Variants in CTNNA2 observed in about 807,000 individuals in gnomAD.
The protein encoded by CTNNA2 is catenin alpha 2.
A neutral mutation model predicts 101.0 loss-of-function variants in CTNNA2; 42 were observed. The ratio of observed to expected loss-of-function variants is 0.42; its 90% CI spans 0.32 to 0.54. CTNNA2 has a LOEUF of 0.54. Among genes scored for constraint, CTNNA2 ranks in the 20% least tolerant of loss-of-function variants. The probability of loss-of-function intolerance (pLI) is 0.14; values close to 1 mark genes in which losing one functional copy is unlikely to be tolerated. For synonymous variants in CTNNA2, 450 were observed against 456.4 expected (o/e 0.99, Z 0.18); for missense variants, 871 against 1,223.1 (o/e 0.71, Z 4.29).
chr2:80,016,335 G>A (rs377062168), intron 7 of CTNNA2, among the ~76,000 whole-genome samples: 4 of 152,110 alleles, frequency 2.6e-5, no homozygotes, highest in African/African-American at 4.8e-5. Context: ...AGTGCTGAGC[G>A]CTGGGTCAAT....
In CTNNA2 at chr2:80,648,763, A is replaced by AAAAAAG. The variant is rs1674388237; in HGVS notation, c.*893_*894insAAAGAA. 6.6e-6 allele frequency: 1 copy of AAAAAAG among 152,066 alleles called. No homozygotes were observed. Among genetic ancestry groups the AAAAAAG allele is most frequent in the Non-Finnish European group, 1.5e-5 (1 of 67,992 alleles). 9.4% of individuals were successfully genotyped at this position (152,066 alleles called of 1,614,324 possible). ...TTGTATTCACTAACTAACTCAAAAT[A>AAAAAAG]AACACATTTAATCTTGACATCTCAA... On this transcript the variant is annotated 3_prime_UTR_variant, in exon 19 of 19. Coordinates refer to ENST00000402739, the MANE Select transcript of CTNNA2 (RefSeq NM_001282597.3).
chr2:79,789,470 G>A (rs532205945), intron 3 of CTNNA2, among the ~76,000 whole-genome samples: 137 of 152,166 alleles, frequency 9.0e-4, no homozygotes, highest in Non-Finnish European at 1.5e-3. Flanking sequence ...CTTATGGGAA[G>A]ACAAATGACT....
At chr2:80,613,026 A>G (rs1266827991) in intron 17 of CTNNA2, 2 of 151,158 alleles carry the variant, frequency 1.3e-5, no homozygotes, top group Non-Finnish European at 3.0e-5. Context: ...CAAACTTCAG[A>G]TTGTAAATCT....
chr2:79,805,928 A>G (rs2105317011), intron 3 of CTNNA2, among the ~76,000 whole-genome samples: 1 of 149,758 alleles, frequency 6.7e-6, no homozygotes, highest in South Asian at 2.1e-4. Context: ...ACAGAGCAAG[A>G]CTGTGTCTCA....
At position 80,647,924 on chromosome 2, in the gene CTNNA2, T is replaced by C; in HGVS notation, c.*52T>C. 2.0e-6 allele frequency: 3 copies of C among 1,507,056 alleles called. 1 individual carries two copies. The highest frequency in any genetic ancestry group is 2.7e-5 in the South Asian group (2 of 73,400). The allele number at this position is 1,507,056 out of a possible 1,614,324, so 93.4% of individuals were successfully genotyped here. On this transcript the variant is annotated 3_prime_UTR_variant, in exon 19 of 19. Coordinates refer to ENST00000402739, the MANE Select transcript of CTNNA2 (RefSeq NM_001282597.3). The stretch of plus-strand genomic sequence containing the variant: ...TTTCTTTCTTTTCTTTCTTTCTTTT[T>C]CTTTTTAATTCCATTTTTGTATGCA...
At chr2:79,563,189 T>TATATATA (rs879673133) in intron 1 of CTNNA2, among the ~76,000 whole-genome samples, 1,049 of 40,246 alleles carry the variant, frequency 0.026, 23 homozygotes, top group East Asian at 0.13. Context: ...ATATATATAT[T>TATATATA]TTCCTTCATT....
intron 9 of CTNNA2, among the ~76,000 whole-genome samples, chr2:80,451,078 G>A (rs1246478540): frequency 6.6e-6 from 1 of 151,956 alleles, no homozygotes; most frequent in Non-Finnish European, 1.5e-5. Flanking sequence ...TCCTTTGTGT[G>A]GCCTTCTCCC....
intron 6 of CTNNA2, among the ~76,000 whole-genome samples, chr2:79,898,525 T>C (rs918568526): frequency 3.3e-5 from 5 of 152,144 alleles, no homozygotes; most frequent in Non-Finnish European, 5.9e-5. Context: ...CAGAAAGACT[T>C]CTCAAGTCTT....
intron 2 of CTNNA2, among the ~76,000 whole-genome samples, chr2:79,680,883 C>A (rs527584645): frequency 1.4e-5 from 2 of 145,316 alleles, no homozygotes; most frequent in South Asian, 4.1e-4. Flanking sequence ...GTCCTCTGTC[C>A]TGAATGACTG....
At chr2:79,835,582 G>C (rs1679262983) in intron 3 of CTNNA2, among the ~76,000 whole-genome samples, 1 of 148,856 alleles carries the variant, frequency 6.7e-6, no homozygotes. Context: ...GATGTCTTCT[G>C]TGTGTCCTTG....
chr2:79,568,500 G>A (rs1370648746), intron 1 of CTNNA2, among the ~76,000 whole-genome samples: 1 of 151,980 alleles, frequency 6.6e-6, no homozygotes, highest in Non-Finnish European at 1.5e-5. Flanking sequence ...CTACTCAAGA[G>A]GCTGAGGTGG....
At chr2:80,491,215 A>T (rs995959189) in intron 9 of CTNNA2, among the ~76,000 whole-genome samples, 10 of 152,300 alleles carry the variant, frequency 6.6e-5, no homozygotes, top group African/African-American at 1.4e-4. Context: ...TCCCAGTTTG[A>T]TGGCTTCAGA....
intron 7 of CTNNA2, among the ~76,000 whole-genome samples, chr2:79,940,570 CTG>C (rs1558659600): frequency 6.6e-6 from 1 of 152,190 alleles, no homozygotes; most frequent in African/African-American, 2.4e-5. Context: ...GCCATGAAAA[CTG>C]TGAATCAGTC....
At chr2:80,397,600 G>A (rs751558469) in intron 8 of CTNNA2, among the ~76,000 whole-genome samples, 21 of 152,148 alleles carry the variant, frequency 1.4e-4, no homozygotes, top group Admixed American at 5.2e-4. Flanking sequence ...GCCTGCCGCC[G>A]TGTATGATGT....
chr2:80,591,333 G>A (rs1696470851), intron 15 of CTNNA2, among the ~76,000 whole-genome samples: 1 of 151,736 alleles, frequency 6.6e-6, no homozygotes, highest in African/African-American at 2.4e-5. Context: ...GTCGTTTTGT[G>A]TTCTTTTTGT....
intron 14 of CTNNA2, among the ~76,000 whole-genome samples, chr2:80,583,904 A>G (rs1695751883): frequency 6.6e-6 from 1 of 152,144 alleles, no homozygotes; most frequent in Admixed American, 6.6e-5. Flanking sequence ...CCAAGATAGT[A>G]AGAACAGAGC....
intron 7 of CTNNA2, among the ~76,000 whole-genome samples, chr2:80,062,857 C>T (rs1398528969): frequency 1.3e-5 from 2 of 152,058 alleles, no homozygotes; most frequent in African/African-American, 4.8e-5. Context: ...AGGCGCCCGC[C>T]ACCACACCTG....
At chr2:79,948,153 T>A (rs1688631440) in intron 7 of CTNNA2, among the ~76,000 whole-genome samples, 1 of 151,956 alleles carries the variant, frequency 6.6e-6, no homozygotes, top group Non-Finnish European at 1.5e-5. Flanking sequence ...CATTAAGGAG[T>A]TGTTTCTTCA....
intron 9 of CTNNA2, among the ~76,000 whole-genome samples, chr2:80,465,535 A>G (rs59324194): frequency 0.012 from 1,839 of 152,270 alleles, 55 homozygotes; most frequent in African/African-American, 0.042. Flanking sequence ...AGAAGGCCAC[A>G]GAGGGTTTCT....
Sources: allele counts gnomAD v4.1 joint callset (sites outside exome capture counted in the v4.1 genomes callset), GRCh38; gene constraint gnomAD v4.1.1; transcripts MANE v1.5; gene names NCBI Gene and HGNC (gene_info 2026-07-23, HGNC 2026-07-21).